Variants in PLA2G3 observed in about 807,000 individuals in gnomAD.
The protein encoded by PLA2G3 is group 3 secretory phospholipase A2.
Under a neutral mutation model 51.3 loss-of-function variants are expected in PLA2G3, and 39 were observed. The observed-to-expected ratio is 0.76, with a 90% CI of 0.59 to 0.99. PLA2G3 has a LOEUF of 0.99. PLA2G3 is among the 50% of genes least tolerant of loss of function. The pLI is 0.00. For missense variants in PLA2G3, 677 were observed against 662.1 expected, an observed-to-expected ratio of 1.02 and a Z score of -0.25; for synonymous variants, 293 against 263.1, an observed-to-expected ratio of 1.11 and a Z score of -1.10.
chr22:31,137,602 C>CCCA (rs1922650409), intron 4 of PLA2G3, 108 bp downstream of exon 4: 7 of 1,040,954 alleles, frequency 6.7e-6, no homozygotes, highest in Middle Eastern at 3.2e-4. Flanking sequence ...GTTGGGAAAT[C>CCCA]CCAGGAGGAA....
Position 31,135,274 on chromosome 22 carries a change from C to T in PLA2G3, c.*449G>A, listed in dbSNP as rs1385250190. 1 of 160,378 alleles carries T rather than the reference C, an allele frequency of 6.2e-6. No homozygotes were observed. Among genetic ancestry groups the T allele is most frequent in the African/African-American group, 2.4e-5 (1 of 41,580 alleles). The allele number at this position is 160,378 out of a possible 1,614,324, so 9.9% of individuals were successfully genotyped here. On this transcript the variant is annotated 3_prime_UTR_variant, in exon 7 of 7. Transcript: ENST00000215885. ...ACAGACATTTCTGTGACATCCCTAACTTCCCACCTGCTACCTCAGGCCACA... is the reference window on the plus strand; with the variant it reads ...ACAGACATTTCTGTGACATCCCTAATTTCCCACCTGCTACCTCAGGCCACA...
intron 4 of PLA2G3, 106 bp from the exon 5 acceptor site, chr22:31,137,146 A>C: frequency 1.7e-6 from 2 of 1,144,712 alleles, no homozygotes; most frequent in Non-Finnish European, 2.4e-6. Context: ...AGTCACACAC[A>C]CAGATTCCCT....
chr22:31,138,052 AG>A, intron 3 of PLA2G3, 59 bp from the exon 4 acceptor site: 2 of 1,495,262 alleles, frequency 1.3e-6, no homozygotes, highest in Non-Finnish European at 1.8e-6. Context: ...AGAAGCCCCC[AG>A]GGTCGTCTCC....
rs1316078089 is a variant in PLA2G3 at position 31,140,030 on chromosome 22, C to T, written c.325G>A (p.Ala109Thr). Reference sequence around the variant, plus strand: ...GCCTCCCACTGACTCTGAAGAGTGGCCAGTGCTCTCTGCAGCTCGGGTCCG... The same window carrying T: ...GCCTCCCACTGACTCTGAAGAGTGGTCAGTGCTCTCTGCAGCTCGGGTCCG... ...TPGPELQRALATLQSQWEACR... is the reference protein window; with the variant it reads ...TPGPELQRALTTLQSQWEACR... Residue 109 changes from alanine (A) to threonine (T), a missense_variant, in exon 1 of 7, where the codon GCC becomes ACC. Coordinates refer to ENST00000215885, the MANE Select transcript of PLA2G3 (RefSeq NM_015715.5). 1 of 1,613,770 alleles carries T rather than the reference C, an allele frequency of 6.2e-7. No individual in the cohort carries two copies. Among genetic ancestry groups the T allele is most frequent in the Non-Finnish European group, 8.5e-7 (1 of 1,180,022 alleles).
intron 3 of PLA2G3, 53 bp from the exon 4 acceptor site, chr22:31,138,046 GC>G: frequency 6.6e-7 from 1 of 1,504,908 alleles, no homozygotes; most frequent in Non-Finnish European, 8.9e-7. Context: ...CCTTCCAGAA[GC>G]CCCCAGGGTC....
intron 6 of PLA2G3, 108 bp from the exon 7 acceptor site, chr22:31,136,044 CA>C (rs1260347532): frequency 2.3e-6 from 2 of 875,418 alleles, no homozygotes; most frequent in African/African-American, 1.7e-5. Flanking sequence ...GGGCCACAGT[CA>C]CCAGCAAGGC....
intron 4 of PLA2G3, 103 bp downstream of exon 4, chr22:31,137,607 G>T: frequency 9.4e-7 from 1 of 1,065,310 alleles, no homozygotes. Flanking sequence ...GAAATCCCAG[G>T]AGGAAACTGG....
intron 4 of PLA2G3, 50 bp from the exon 5 acceptor site, chr22:31,137,090 C>T (rs1444183414): frequency 1.8e-5 from 26 of 1,460,296 alleles, no homozygotes; most frequent in South Asian, 5.7e-5. Context: ...CAGGGAGGCC[C>T]CACCAATGCC....
At chr22:31,137,147 C>T in intron 4 of PLA2G3, 107 bp from the exon 5 acceptor site, 6 of 1,137,594 alleles carry the variant, frequency 5.3e-6, no homozygotes, top group Non-Finnish European at 7.3e-6. Context: ...GTCACACACA[C>T]AGATTCCCTC....
rs1446604931 is a variant in PLA2G3 at position 31,138,812 on chromosome 22, G to A, written c.515-13C>T. On this transcript the variant is annotated splice_polypyrimidine_tract_variant and intron_variant, in intron 1 of 6. Transcript: ENST00000215885. ...CCCTGGAAGACCCCTGCAGGGAGGG[G>A]AGGGGAGAGGGCACCAACTCAGCAG... 5 of 1,613,632 alleles carry A rather than the reference G, an allele frequency of 3.1e-6. No homozygotes were observed. In the South Asian group the frequency reaches 5.5e-5, roughly 18 times the overall value.
In PLA2G3 at chr22:31,140,332, A is replaced by G; in HGVS notation, c.23T>C (p.Phe8Ser). ...CACCCCCAGGAAGCCCAGCATCCCAAACAGCCCTGCCTGAACCCCCATTCT... is the reference window on the plus strand; with the variant it reads ...CACCCCCAGGAAGCCCAGCATCCCAGACAGCCCTGCCTGAACCCCCATTCT... Reference protein sequence around the residue: MGVQAGLFGMLGFLGVAL... With the variant: MGVQAGLSGMLGFLGVAL... The change falls in exon 1 of 7, where the codon TTT (phenylalanine) becomes TCT (serine). Residue 8 changes from phenylalanine to serine, a missense_variant. Phe to Ser is a radical substitution (Grantham distance 155). Transcript: ENST00000215885. The G allele has an allele frequency of 6.2e-7, 1 of 1,604,800 alleles. No individual in the cohort carries two copies. The highest frequency in any genetic ancestry group is 8.5e-7 in the Non-Finnish European group (1 of 1,178,084).
chr22:31,140,501 G>C lies in PLA2G3; in HGVS notation c.-147C>G. ...AATGAATGGAGCTGCGGGAGGAGGA[G>C]GAAAGAGGCTGGAGTATGGGGTGAT... On this transcript the variant is annotated 5_prime_UTR_variant, in exon 1 of 7. Transcript: ENST00000215885. 1.2e-6 allele frequency: 1 copy of C among 856,240 alleles called. No individual in the cohort carries two copies. Among genetic ancestry groups the C allele is most frequent in the East Asian group, 2.6e-5 (1 of 37,794 alleles). The allele number at this position is 856,240 out of a possible 1,614,324, so 53.0% of individuals were successfully genotyped here.
chr22:31,137,623 G>C lies in PLA2G3; in HGVS notation c.1066+87C>G, dbSNP rs1005964227. ...AAATCCCAGGAGGAAACTGGTGCAG[G>C]AAAAGAGGCAACACATGGCCACCCC... On this transcript the variant is annotated intron_variant, in intron 4 of 6. Coordinates refer to ENST00000215885, the MANE Select transcript of PLA2G3 (RefSeq NM_015715.5). 10 of 1,228,108 alleles carry C rather than the reference G, an allele frequency of 8.1e-6. No homozygotes were observed. The South Asian group carries it at 1.5e-4, about 18-fold the overall frequency. 76.1% of individuals were successfully genotyped at this position (1,228,108 alleles called of 1,614,324 possible).
chr22:31,136,199 GCTTTGAGAAT>G, intron 6 of PLA2G3, among the ~76,000 whole-genome samples: 1 of 152,218 alleles, frequency 6.6e-6, no homozygotes, highest in African/African-American at 2.4e-5. Flanking sequence ...GAAGGAGCTG[GCTTTGAGAAT>G]CGGAATCCAG....
In PLA2G3 at chr22:31,135,762, G is replaced by A. The variant is rs774275137; in HGVS notation, c.1491C>T (p.Ala497=). 33 of 1,613,834 alleles carry A rather than the reference G, an allele frequency of 2.0e-5. No individual in the cohort carries two copies. The highest frequency in any genetic ancestry group is 2.7e-5 in the Non-Finnish European group (32 of 1,180,018). The change falls in exon 7 of 7, where the codon GCC becomes GCT. Residue 497 remains alanine (A), a synonymous_variant. Transcript: ENST00000215885. Reference sequence around the variant, plus strand: ...ACTTCTGCTGCCTGTCGGGTCTCCTGGCTGCCTGGGTTAGCTGCAGGCACT... The same window carrying A: ...ACTTCTGCTGCCTGTCGGGTCTCCTAGCTGCCTGGGTTAGCTGCAGGCACT... ...YNQCLQLTQA[A]RRPDRQQKSW...
At chr22:31,139,460 T>C (rs1922768173) in intron 1 of PLA2G3, among the ~76,000 whole-genome samples, 2 of 152,132 alleles carry the variant, frequency 1.3e-5, no homozygotes, top group Non-Finnish European at 2.9e-5. Context: ...GCTCAGCTTG[T>C]ATGTGCTGAG....
rs530887516 is a variant in PLA2G3, at chr22:31,137,919, C to G, written c.857G>C (p.Arg286Pro). 11 of 1,612,518 alleles carry G rather than the reference C, an allele frequency of 6.8e-6. No individual in the cohort carries two copies. The South Asian group carries it at 1.1e-4, about 16-fold the overall frequency. ...RTFYNASWSS[R>P]ATSPTPSSRS... Reference sequence around the variant, plus strand: ...GGAGCTGGGAGTTGGGGAGGTGGCCCGGGAGCTCCAGGAGGCATTGTAGAA... The same window carrying G: ...GGAGCTGGGAGTTGGGGAGGTGGCCGGGGAGCTCCAGGAGGCATTGTAGAA... Residue 286 changes from arginine to proline, a missense_variant, in exon 4 of 7, where the codon CGG becomes CCG. Transcript: ENST00000215885.
At chr22:31,139,589 C>T (rs960515648) in intron 1 of PLA2G3, among the ~76,000 whole-genome samples, 1 of 152,152 alleles carries the variant, frequency 6.6e-6, no homozygotes, top group Non-Finnish European at 1.5e-5. Flanking sequence ...CCTCCCCCAG[C>T]CTGCCCAGTC....
rs1569294037 is a variant in PLA2G3 at position 31,137,838 on chromosome 22, G to GGT, written c.936_937dup (p.Pro313HisfsTer41). 10 of 1,614,124 alleles carry GGT rather than the reference G, an allele frequency of 6.2e-6. No homozygotes were observed. Among genetic ancestry groups the GGT allele is most frequent in the Non-Finnish European group, 8.5e-6 (10 of 1,180,014 alleles). On this transcript the variant is annotated frameshift_variant, in exon 4 of 7. Coordinates refer to ENST00000215885, the MANE Select transcript of PLA2G3 (RefSeq NM_015715.5). LOFTEE classifies it high-confidence loss of function. ...GGGGCGCTTGGACCCTTTCTGATGT[G>GGT]GTGGCCCCTTCCGAAGGTGCTGCTT...
Sources: gnomAD v4.1 joint callset for allele counts (sites outside exome capture counted in the v4.1 genomes callset) on GRCh38, gnomAD v4.1.1 for gene constraint, MANE v1.5 for transcripts, NCBI Gene and HGNC (gene_info 2026-07-23, HGNC 2026-07-21) for gene names.